CADM2: variants seen among roughly 807,000 people sequenced by gnomAD.
CADM2 encodes the protein cell adhesion molecule 2.
Under a neutral mutation model 49.8 loss-of-function variants are expected in CADM2, and 12 were observed. That is an observed-to-expected ratio of 0.24 (90% CI 0.15 to 0.39). CADM2 has a LOEUF of 0.39. Among genes scored for constraint, CADM2 ranks in the 10% least tolerant of loss-of-function variants. CADM2 has a pLI of 1.00. For synonymous variants in CADM2, 214 were observed against 175.4 expected (o/e 1.22, Z -1.74); for missense variants, 378 against 492.3 (o/e 0.77, Z 2.20).
intron 3 of CADM2, among the ~76,000 whole-genome samples, chr3:85,812,326 G>T (rs1356329266): frequency 6.6e-6 from 1 of 151,886 alleles, no homozygotes; most frequent in African/African-American, 2.4e-5. Context: ...CTGAAAACAG[G>T]CTTTTTTGAT....
intron 1 of CADM2, among the ~76,000 whole-genome samples, chr3:85,402,080 T>A (rs909909408): frequency 3.9e-5 from 6 of 152,154 alleles, no homozygotes; most frequent in African/African-American, 1.2e-4. Flanking sequence ...TTGGATCTTT[T>A]ATAATTAGTA....
At chr3:85,044,254 A>G (rs1481165800) in intron 1 of CADM2, among the ~76,000 whole-genome samples, 1 of 152,208 alleles carries the variant, frequency 6.6e-6, no homozygotes, top group Non-Finnish European at 1.5e-5. Flanking sequence ...GCAGTTGGCC[A>G]AAACTGTACT....
At position 85,961,496 on chromosome 3, in the gene CADM2, T is replaced by G; in HGVS notation, c.819T>G (p.Asp273Glu). 1 of 1,605,048 alleles carries G rather than the reference T, an allele frequency of 6.2e-7. No homozygotes were observed. The highest frequency in any genetic ancestry group is 8.5e-7 in the Non-Finnish European group (1 of 1,173,618). The change falls in exon 8 of 10, where the codon GAT becomes GAG. Residue 273 changes from aspartate to glutamate, a missense_variant. Physicochemically the swap from Asp to Glu is conservative, Grantham distance 45. Transcript: ENST00000383699. ...CAGAACCTGTTTTGTGGACAAAGGA[T>G]GGCGGAGAATTACCAGATCCTGACC... ...PLPEPVLWTK[D>E]GGELPDPDRM...
chr3:85,331,930 A>AT (rs555501014), intron 1 of CADM2, among the ~76,000 whole-genome samples: 182 of 152,244 alleles, frequency 1.2e-3, no homozygotes, highest in African/African-American at 4.3e-3. Context: ...CTACAGTATC[A>AT]TTTGCACATA....
At chr3:85,528,083 A>G (rs1286858736) in intron 1 of CADM2, among the ~76,000 whole-genome samples, 1 of 152,178 alleles carries the variant, frequency 6.6e-6, no homozygotes, top group African/African-American at 2.4e-5. Context: ...TCGCAAGCAC[A>G]GAAATCACCT....
intron 1 of CADM2, among the ~76,000 whole-genome samples, chr3:85,355,450 T>G (rs2031774974): frequency 6.6e-6 from 1 of 152,132 alleles, no homozygotes; most frequent in South Asian, 2.1e-4. Context: ...TCTCACTTCG[T>G]ATGTAGATTT....
chr3:85,684,335 AAAG>A (rs765325468), intron 1 of CADM2, among the ~76,000 whole-genome samples: 7 of 152,122 alleles, frequency 4.6e-5, no homozygotes, highest in East Asian at 3.9e-4. Flanking sequence ...ACATCTTAGT[AAAG>A]AAGAAGATTT....
At chr3:85,905,692 T>A (rs1328763604) in intron 5 of CADM2, among the ~76,000 whole-genome samples, 1 of 151,984 alleles carries the variant, frequency 6.6e-6, no homozygotes, top group Non-Finnish European at 1.5e-5. Context: ...AATAACAAAG[T>A]TAAAAATTTA....
In CADM2 at chr3:84,959,412, A is replaced by G; in HGVS notation, c.-196A>G. On this transcript the variant is annotated 5_prime_UTR_variant, in exon 1 of 10. Coordinates refer to ENST00000383699, the MANE Select transcript of CADM2 (RefSeq NM_001167675.2). ...AGAAGAAACTATTTCGCGATACCCC[A>G]TTCTGCGGGTGCTTTGCCGCTGCCG... The G allele has an allele frequency of 3.4e-6, 2 of 587,374 alleles. No homozygotes were observed. Among genetic ancestry groups the G allele is most frequent in the African/African-American group, 1.9e-5 (1 of 52,688 alleles). 36.4% of individuals were successfully genotyped at this position (587,374 alleles called of 1,614,324 possible). A position where few individuals can be genotyped will look rare whatever the true frequency, so the allele number is the denominator to read the frequency against.
Position 85,033,720 on chromosome 3 carries a change from C to G in CADM2, c.61+74052C>G, listed in dbSNP as rs2035086835. Among the ~76,000 whole-genome samples the G allele has an allele frequency of 2.0e-5, 3 of 151,972 alleles. No homozygotes were observed. The South Asian group carries it at 6.2e-4, about 32-fold the overall frequency. On this transcript the variant is annotated intron_variant, in intron 1 of 9. Transcript: ENST00000383699. ...AGGTTTTATGAAAGTGTTTTCTGACCAATTAAAAGTTTCTGAATATGTGTA... is the reference window on the plus strand; with the variant it reads ...AGGTTTTATGAAAGTGTTTTCTGACGAATTAAAAGTTTCTGAATATGTGTA...
At chr3:85,028,579 C>T (rs575752374) in intron 1 of CADM2, among the ~76,000 whole-genome samples, 1 of 152,216 alleles carries the variant, frequency 6.6e-6, no homozygotes, top group East Asian at 1.9e-4. Flanking sequence ...ACAAAACTCT[C>T]TGGAGACCTT....
At position 85,122,362 on chromosome 3, in the gene CADM2, C is replaced by T. The variant is rs6770568; in HGVS notation, c.61+162694C>T. ...AGAATATTCACTCAAGTTACTGGAC[C>T]TTTTTACTGTATACTATACACCAGG... On this transcript the variant is annotated intron_variant, in intron 1 of 9. Transcript: ENST00000383699. Among the ~76,000 whole-genome samples, 3 of 152,080 alleles carry T rather than the reference C, an allele frequency of 2.0e-5. No homozygotes were observed. The East Asian group carries it at 5.8e-4, about 29-fold the overall frequency.
chr3:85,049,414 GA>G (rs1553675341), intron 1 of CADM2, among the ~76,000 whole-genome samples: 2 of 151,234 alleles, frequency 1.3e-5, no homozygotes, highest in Non-Finnish European at 1.5e-5. Context: ...GCAATGATGC[GA>G]TCTCAGCTCA....
At chr3:85,019,812 C>T (rs950607156) in intron 1 of CADM2, among the ~76,000 whole-genome samples, 1 of 152,074 alleles carries the variant, frequency 6.6e-6, no homozygotes, top group Admixed American at 6.5e-5. Flanking sequence ...TGTTGTGAAG[C>T]AGGGAAAATA....
At chr3:85,717,362 G>A (rs574890454) in intron 1 of CADM2, among the ~76,000 whole-genome samples, 1 of 152,278 alleles carries the variant, frequency 6.6e-6, no homozygotes, top group African/African-American at 2.4e-5. Flanking sequence ...TGAGACTGCT[G>A]AAGTTGCTTA....
intron 1 of CADM2, among the ~76,000 whole-genome samples, chr3:85,445,419 A>G (rs1440859740): frequency 6.6e-6 from 1 of 152,156 alleles, no homozygotes; most frequent in Non-Finnish European, 1.5e-5. Flanking sequence ...AATGAGATCT[A>G]AATACATTGT....
intron 2 of CADM2, among the ~76,000 whole-genome samples, chr3:85,791,832 T>G (rs1259542959): frequency 6.6e-6 from 1 of 152,222 alleles, no homozygotes; most frequent in Middle Eastern, 3.4e-3. Flanking sequence ...CACGCCATTC[T>G]CCTGCCTCAG....
intron 2 of CADM2, among the ~76,000 whole-genome samples, chr3:85,742,640 G>C (rs893638415): frequency 4.6e-5 from 7 of 152,262 alleles, no homozygotes; most frequent in African/African-American, 1.4e-4. Context: ...TTGCAAAACA[G>C]ATACTTTGAA....
intron 6 of CADM2, among the ~76,000 whole-genome samples, chr3:85,923,625 T>C (rs1719447341): frequency 6.6e-6 from 1 of 152,060 alleles, no homozygotes; most frequent in East Asian, 1.9e-4. Flanking sequence ...TTTAATTTTT[T>C]ACAAAAGAAA....
Sources: allele counts gnomAD v4.1 joint callset (sites outside exome capture counted in the v4.1 genomes callset), GRCh38; gene constraint gnomAD v4.1.1; transcripts MANE v1.5; gene names NCBI Gene and HGNC (gene_info 2026-07-23, HGNC 2026-07-21).